CDKAL1: variants seen among roughly 807,000 people sequenced by gnomAD.
CDKAL1 encodes the protein threonylcarbamoyladenosine tRNA methylthiotransferase.
CDKAL1 carries 32 observed loss-of-function variants against 68.2 expected under a neutral mutation model. The observed-to-expected ratio is 0.47, with a 90% confidence interval of 0.35 to 0.63. The LOEUF (loss-of-function observed/expected upper bound fraction) is 0.63. Ranked by LOEUF, CDKAL1 falls within the 30% of genes least tolerant of loss-of-function variation. The pLI, the probability that CDKAL1 is intolerant of heterozygous loss-of-function variation, is 0.00. For synonymous variants in CDKAL1, 234 were observed against 244.3 expected (o/e 0.96, Z 0.39); for missense variants, 606 against 696.7 (o/e 0.87, Z 1.47).
At chr6:20,574,314 G>A (rs1264133060) in intron 4 of CDKAL1, among the ~76,000 whole-genome samples, 1 of 152,102 alleles carries the variant, frequency 6.6e-6, no homozygotes, top group Non-Finnish European at 1.5e-5. Context: ...CAATAAAACA[G>A]AGCCTCTCAG....
chr6:20,928,692 T>C (rs1265540548), intron 9 of CDKAL1, among the ~76,000 whole-genome samples: 1 of 150,468 alleles, frequency 6.6e-6, no homozygotes, highest in Admixed American at 6.6e-5. Context: ...ATTCTTTTTT[T>C]TTTTTTTTTT....
At chr6:20,769,537 G>A (rs746040440) in intron 7 of CDKAL1, among the ~76,000 whole-genome samples, 2 of 152,028 alleles carry the variant, frequency 1.3e-5, no homozygotes, top group African/African-American at 2.4e-5. Flanking sequence ...GATTACAGGT[G>A]TGAGCCACCA....
At chr6:21,119,284 A>C (rs183169901) in intron 13 of CDKAL1, among the ~76,000 whole-genome samples, 1 of 152,350 alleles carries the variant, frequency 6.6e-6, no homozygotes, top group Admixed American at 6.5e-5. Context: ...AGCATCTAGC[A>C]CACAGTAAGT....
intron 4 of CDKAL1, among the ~76,000 whole-genome samples, chr6:20,646,249 G>A (rs1768454933): frequency 6.6e-6 from 1 of 151,494 alleles, no homozygotes; most frequent in South Asian, 2.1e-4. Context: ...TAGAAATGGG[G>A]TTTCACTATC....
intron 5 of CDKAL1, among the ~76,000 whole-genome samples, chr6:20,674,463 A>C (rs2127784424): frequency 6.6e-6 from 1 of 152,344 alleles, no homozygotes; most frequent in South Asian, 2.1e-4. Flanking sequence ...ATGGATACGC[A>C]GTAACCATAC....
chr6:21,101,216 G>C (rs1773558992), intron 12 of CDKAL1, among the ~76,000 whole-genome samples: 1 of 152,202 alleles, frequency 6.6e-6, no homozygotes, highest in South Asian at 2.1e-4. Flanking sequence ...CAGAATCATA[G>C]AGGCTAACAG....
chr6:21,122,741 AT>A (rs1774788810), intron 13 of CDKAL1, among the ~76,000 whole-genome samples: 1 of 151,616 alleles, frequency 6.6e-6, no homozygotes, highest in Non-Finnish European at 1.5e-5. Flanking sequence ...GGTTCAAGCA[AT>A]CCCCCCACAT....
intron 13 of CDKAL1, among the ~76,000 whole-genome samples, chr6:21,163,437 A>G (rs1457890472): frequency 6.6e-6 from 1 of 152,152 alleles, no homozygotes; most frequent in Non-Finnish European, 1.5e-5. Flanking sequence ...TTGGGAATAC[A>G]GTAGCCTTTA....
intron 11 of CDKAL1, among the ~76,000 whole-genome samples, chr6:21,021,710 A>G (rs779186719): frequency 4.6e-5 from 7 of 152,068 alleles, no homozygotes; most frequent in Admixed American, 1.3e-4. Flanking sequence ...TTAAAGATAC[A>G]TTTTTTCAAA....
chr6:21,088,063 C>G (rs905975800), intron 12 of CDKAL1, among the ~76,000 whole-genome samples: 2 of 152,126 alleles, frequency 1.3e-5, no homozygotes, highest in African/African-American at 4.8e-5. Context: ...GCCACAGTTT[C>G]AGGCTTTTTA....
At chr6:20,984,758 G>A (rs907690802) in intron 10 of CDKAL1, among the ~76,000 whole-genome samples, 3 of 149,076 alleles carry the variant, frequency 2.0e-5, no homozygotes, top group African/African-American at 7.4e-5. Flanking sequence ...CCAGTGTCCA[G>A]CTGCTTCTCC....
chr6:20,815,188 G>A (rs1776993062), intron 8 of CDKAL1, among the ~76,000 whole-genome samples: 2 of 152,120 alleles, frequency 1.3e-5, no homozygotes, highest in Non-Finnish European at 2.9e-5. Flanking sequence ...TTTTTGCATT[G>A]GTATTCTTGA....
At chr6:20,982,158 C>A (rs1766190299) in intron 10 of CDKAL1, among the ~76,000 whole-genome samples, 2 of 151,832 alleles carry the variant, frequency 1.3e-5, no homozygotes, top group Admixed American at 1.3e-4. Context: ...CCTCCACCTC[C>A]CGGGCTCAAG....
At chr6:20,573,471 T>C (rs1382531663) in intron 4 of CDKAL1, among the ~76,000 whole-genome samples, 1 of 152,182 alleles carries the variant, frequency 6.6e-6, no homozygotes, top group Non-Finnish European at 1.5e-5. Context: ...TCAAAGAAAG[T>C]ATGCTGCATT....
intron 10 of CDKAL1, 122 bp from the exon 11 acceptor site, chr6:21,000,105 C>A: frequency 1.5e-6 from 1 of 660,040 alleles, no homozygotes; most frequent in Non-Finnish European, 2.6e-6. Context: ...CTTTAAGAGC[C>A]TTGATGATTG....
At chr6:21,201,925 A>G (rs1258679153) in intron 15 of CDKAL1, among the ~76,000 whole-genome samples, 1 of 151,890 alleles carries the variant, frequency 6.6e-6, no homozygotes, top group African/African-American at 2.4e-5. Context: ...GCATCATTTG[A>G]TGTCCTTTCT....
At chr6:20,837,521 A>G (rs1194584567) in intron 8 of CDKAL1, among the ~76,000 whole-genome samples, 2 of 152,140 alleles carry the variant, frequency 1.3e-5, no homozygotes, top group Middle Eastern at 3.4e-3. Context: ...ATGGTCCATT[A>G]TTCAGGTTTT....
At chr6:20,860,334 C>T (rs1759548521) in intron 9 of CDKAL1, among the ~76,000 whole-genome samples, 1 of 152,200 alleles carries the variant, frequency 6.6e-6, no homozygotes, top group South Asian at 2.1e-4. Flanking sequence ...CTGCCTCAGC[C>T]TCCCAAAGTG....
At chr6:21,168,809 G>A (rs1167236686) in intron 13 of CDKAL1, among the ~76,000 whole-genome samples, 1 of 152,120 alleles carries the variant, frequency 6.6e-6, no homozygotes, top group Non-Finnish European at 1.5e-5. Flanking sequence ...ATATTTTTCT[G>A]TATTTTTGTC....
Sources: allele counts gnomAD v4.1 joint callset (sites outside exome capture counted in the v4.1 genomes callset), GRCh38; gene constraint gnomAD v4.1.1; transcripts MANE v1.5; gene names NCBI Gene and HGNC (gene_info 2026-07-23, HGNC 2026-07-21).